The following CDK13 variants were observed in gnomAD, a reference collection of about 807,000 sequenced individuals.
CDK13 encodes the protein cyclin-dependent kinase 13.
A neutral mutation model predicts 137.6 loss-of-function variants in CDK13; 40 were observed. The observed-to-expected ratio is 0.29, with a 90% CI of 0.23 to 0.38. The LOEUF is 0.38. CDK13 is among the 10% of genes least tolerant of loss of function. CDK13 has a pLI of 1.00. For synonymous variants in CDK13, 869 were observed against 760.1 expected (o/e 1.14, Z -2.36); for missense variants, 1,704 against 1,951.8 (o/e 0.87, Z 2.39).
intron 7 of CDK13, among the ~76,000 whole-genome samples, chr7:40,056,339 AAT>A (rs1402956213): frequency 6.6e-6 from 1 of 152,224 alleles, no homozygotes. Context: ...CTTTTTAAAA[AAT>A]AGTTTATTAA....
chr7:40,064,603 C>A (rs183744813), intron 9 of CDK13, among the ~76,000 whole-genome samples: 52 of 151,994 alleles, frequency 3.4e-4, no homozygotes. Flanking sequence ...AAGATGAGTG[C>A]CCTAGTTAGA....
Position 40,095,091 on chromosome 7 carries a change from T to C in CDK13, c.*111T>C. 1 of 972,756 alleles carries C rather than the reference T, an allele frequency of 1.0e-6. No individual in the cohort carries two copies. The highest frequency in any genetic ancestry group is 1.4e-6 in the Non-Finnish European group (1 of 715,172). 60.3% of individuals were successfully genotyped at this position (972,756 alleles called of 1,614,324 possible). ...TAATAATAATTCAACAACAGCTTTA[T>C]TTTTATGTGGAGAAGGGTCTTGCAT... On this transcript the variant is annotated 3_prime_UTR_variant, in exon 14 of 14. Transcript: ENST00000181839.
intron 1 of CDK13, among the ~76,000 whole-genome samples, chr7:39,960,413 G>T (rs1394809111): frequency 6.6e-6 from 1 of 151,550 alleles, no homozygotes; most frequent in Non-Finnish European, 1.5e-5. Flanking sequence ...CCGTCACCAC[G>T]CTTGGCTAAT....
At chr7:39,956,324 G>T (rs76023638) in intron 1 of CDK13, among the ~76,000 whole-genome samples, 6,066 of 152,266 alleles carry the variant, frequency 0.04, 358 homozygotes, top group African/African-American at 0.13. Context: ...ATGGCCTTGT[G>T]TTTTGCTCCT....
At chr7:40,020,861 G>T (rs1028262662) in intron 5 of CDK13, among the ~76,000 whole-genome samples, 2 of 152,100 alleles carry the variant, frequency 1.3e-5, no homozygotes, top group Non-Finnish European at 2.9e-5. Flanking sequence ...GGGAGGCCAA[G>T]GTGGGTGGAT....
Position 39,950,731 on chromosome 7 carries a change from A to G in CDK13, c.90A>G (p.Arg30=). The change falls in exon 1 of 14, where the codon CGA becomes CGG. Residue 30 remains arginine (R), a synonymous_variant. Transcript: ENST00000181839. ...TGGAGGAACGCCGCAAGCGGAGGCG[A>G]TTCCTGTCCCCTCAGCAGCCGCCGC... ...KKLEERRKRR[R]FLSPQQPPLL... 1.4e-6 allele frequency: 2 copies of G among 1,468,638 alleles called. No homozygotes were observed. The highest frequency in any genetic ancestry group is 1.8e-6 in the Non-Finnish European group (2 of 1,117,752). The allele number at this position is 1,468,638 out of a possible 1,614,324, so 91.0% of individuals were successfully genotyped here.
In CDK13 at chr7:40,099,377, A is replaced by G. The variant is rs1787099580; in HGVS notation, c.*4397A>G. 6.6e-6 allele frequency: 1 copy of G among 152,210 alleles called. No homozygotes were observed. 9.4% of individuals were successfully genotyped at this position (152,210 alleles called of 1,614,324 possible). Reference sequence around the variant, plus strand: ...TGAATTTTCTAATTGTATTCAAATGAGGCTCTATAGTGAATACAGAATCAC... The same window carrying G: ...TGAATTTTCTAATTGTATTCAAATGGGGCTCTATAGTGAATACAGAATCAC... On this transcript the variant is annotated 3_prime_UTR_variant, in exon 14 of 14. Coordinates refer to ENST00000181839, the MANE Select transcript of CDK13 (RefSeq NM_003718.5).
chr7:39,987,336 A>G (rs1017579076), intron 1 of CDK13, among the ~76,000 whole-genome samples: 5 of 152,184 alleles, frequency 3.3e-5, no homozygotes, highest in African/African-American at 1.2e-4. Context: ...CTGAGACAGC[A>G]GTGATGCCTT....
chr7:40,065,386 C>T (rs1202349918), intron 9 of CDK13, among the ~76,000 whole-genome samples: 1 of 151,970 alleles, frequency 6.6e-6, no homozygotes, highest in Admixed American at 6.6e-5. Context: ...CTTTTGGTTT[C>T]CCTGGACCAC....
chr7:39,985,176 A>G (rs936987862), intron 1 of CDK13: 2 of 144,394 alleles, frequency 1.4e-5, no homozygotes, highest in Middle Eastern at 3.7e-3. Context: ...CCATGAGTTG[A>G]ATTGTTTTAA....
At chr7:40,032,782 A>G (rs1271286143) in intron 5 of CDK13, among the ~76,000 whole-genome samples, 1 of 151,770 alleles carries the variant, frequency 6.6e-6, no homozygotes, top group African/African-American at 2.4e-5. Flanking sequence ...ACCATACTGT[A>G]TTAATTACTG....
chr7:39,989,176 G>A (rs17537817), intron 2 of CDK13, among the ~76,000 whole-genome samples: 88 of 150,950 alleles, frequency 5.8e-4, no homozygotes, highest in African/African-American at 2.1e-3. Flanking sequence ...TATGAACAGT[G>A]AGGGTATGGC....
At chr7:40,057,263 A>C (rs1342798178) in intron 7 of CDK13, among the ~76,000 whole-genome samples, 1 of 152,202 alleles carries the variant, frequency 6.6e-6, no homozygotes, top group Non-Finnish European at 1.5e-5. Flanking sequence ...CAAAAGAAAA[A>C]AAAAATTTTG....
intron 1 of CDK13, among the ~76,000 whole-genome samples, chr7:39,965,047 T>C (rs1056998255): frequency 6.6e-6 from 1 of 152,188 alleles, no homozygotes; most frequent in Non-Finnish European, 1.5e-5. Flanking sequence ...CTTCCAAGTA[T>C]GTGGTCAATT....
intron 10 of CDK13, 137 bp from the exon 11 acceptor site, chr7:40,078,583 T>TA: frequency 2.6e-6 from 1 of 388,290 alleles, no homozygotes; most frequent in Non-Finnish European, 4.2e-6. Flanking sequence ...ATGCACATAT[T>TA]AAAAAAGTAT....
intron 7 of CDK13, among the ~76,000 whole-genome samples, chr7:40,054,542 T>C (rs1785968950): frequency 6.6e-6 from 1 of 152,076 alleles, no homozygotes; most frequent in African/African-American, 2.4e-5. Context: ...GCGATTCTCC[T>C]GCCTCAGTCT....
chr7:40,077,037 TTTC>T (rs1485599789), intron 9 of CDK13, among the ~76,000 whole-genome samples: 1 of 152,120 alleles, frequency 6.6e-6, no homozygotes, highest in Non-Finnish European at 1.5e-5. Context: ...TGTTATAGCA[TTTC>T]TTCTACAAAT....
intron 5 of CDK13, among the ~76,000 whole-genome samples, chr7:40,044,188 C>T (rs879498491): frequency 2.0e-5 from 3 of 151,876 alleles, no homozygotes; most frequent in Non-Finnish European, 2.9e-5. Flanking sequence ...TGAGCCACCA[C>T]GCCTGGCTCA....
At chr7:39,980,059 T>TA (rs1387401256) in intron 1 of CDK13, among the ~76,000 whole-genome samples, 2 of 152,194 alleles carry the variant, frequency 1.3e-5, no homozygotes, top group Non-Finnish European at 2.9e-5. Flanking sequence ...TGCAAGAAAA[T>TA]AAATTTGTGT....
Sources: allele counts gnomAD v4.1 joint callset (sites outside exome capture counted in the v4.1 genomes callset), GRCh38; gene constraint gnomAD v4.1.1; transcripts MANE v1.5; gene names NCBI Gene and HGNC (gene_info 2026-07-23, HGNC 2026-07-21).